Variants in SMAD3 observed in about 807,000 individuals in gnomAD.
The protein encoded by SMAD3 is MAD homolog 3.
A neutral mutation model predicts 51.8 loss-of-function variants in SMAD3; 12 were observed. The ratio of observed to expected loss-of-function variants is 0.23; its 90% CI spans 0.15 to 0.38. The LOEUF is 0.38. SMAD3 is among the 10% of genes least tolerant of loss of function. The pLI is 1.00. For synonymous variants in SMAD3, 238 were observed against 227.7 expected (o/e 1.05, Z -0.41); for missense variants, 294 against 565.6 (o/e 0.52, Z 4.87).
intron 1 of SMAD3, among the ~76,000 whole-genome samples, chr15:67,157,828 C>T (rs991400484): frequency 6.6e-6 from 1 of 152,148 alleles, no homozygotes; most frequent in Admixed American, 6.5e-5. Flanking sequence ...TTTACGGGTC[C>T]CGCTTGAAGC....
At chr15:67,173,652 G>A (rs1010525699) in intron 5 of SMAD3, among the ~76,000 whole-genome samples, 22 of 152,124 alleles carry the variant, frequency 1.4e-4, no homozygotes, top group Non-Finnish European at 2.9e-4. Flanking sequence ...TGATTGGGGA[G>A]GTTTTCTGAT....
intron 1 of SMAD3, among the ~76,000 whole-genome samples, chr15:67,164,693 C>T (rs982624295): frequency 1.3e-5 from 2 of 152,210 alleles, no homozygotes; most frequent in African/African-American, 4.8e-5. Flanking sequence ...AGCTGGGAGT[C>T]CTCACGGGGC....
chr15:67,118,004 A>T (rs1183304708), intron 1 of SMAD3, among the ~76,000 whole-genome samples: 1 of 152,246 alleles, frequency 6.6e-6, no homozygotes, highest in African/African-American at 2.4e-5. Flanking sequence ...AGACAGGAGA[A>T]TTGCTTGAAC....
Position 67,194,191 on chromosome 15 carries a change from A to G in SMAD3, c.*3655A>G, listed in dbSNP as rs1232587453. On this transcript the variant is annotated 3_prime_UTR_variant, in exon 9 of 9. Transcript: ENST00000327367. Reference sequence around the variant, plus strand: ...TTTTACCAGAACCAAACCTCAACACAGCGAAGCTGTACTGTCTTTGTGTGG... The same window carrying G: ...TTTTACCAGAACCAAACCTCAACACGGCGAAGCTGTACTGTCTTTGTGTGG... 4.3e-6 allele frequency: 1 copy of G among 233,394 alleles called. No individual in the cohort carries two copies. The highest frequency in any genetic ancestry group is 2.2e-5 in the African/African-American group (1 of 45,374). The allele number at this position is 233,394 out of a possible 1,614,324, so 14.5% of individuals were successfully genotyped here.
intron 1 of SMAD3, among the ~76,000 whole-genome samples, chr15:67,121,038 T>TCATA (rs1302223992): frequency 6.6e-6 from 1 of 151,536 alleles, no homozygotes; most frequent in Non-Finnish European, 1.5e-5. Flanking sequence ...ATGTTGGGAC[T>TCATA]TTGTCTTGCA....
intron 1 of SMAD3, among the ~76,000 whole-genome samples, chr15:67,117,164 GAAAGAGTAAT>G (rs1485760208): frequency 4.6e-5 from 7 of 152,198 alleles, no homozygotes; most frequent in Non-Finnish European, 1.0e-4. Flanking sequence ...GGAGTAGCTA[GAAAGAGTAAT>G]AATCCTTTTT....
At chr15:67,090,154 C>G (rs1960479932) in intron 1 of SMAD3, among the ~76,000 whole-genome samples, 1 of 152,182 alleles carries the variant, frequency 6.6e-6, no homozygotes, top group African/African-American at 2.4e-5. Flanking sequence ...CGGGGTTCAC[C>G]TTACTCAGGG....
chr15:67,162,167 G>T (rs1962449131), intron 1 of SMAD3, among the ~76,000 whole-genome samples: 1 of 152,116 alleles, frequency 6.6e-6, no homozygotes, highest in South Asian at 2.1e-4. Flanking sequence ...GGATCCCTCT[G>T]TTTCTCTCTT....
intron 1 of SMAD3, among the ~76,000 whole-genome samples, chr15:67,134,727 C>T (rs1180918649): frequency 6.6e-6 from 1 of 152,284 alleles, no homozygotes; most frequent in South Asian, 2.1e-4. Context: ...AGTCCAGGAT[C>T]GAGAAGAACT....
intron 8 of SMAD3, 80 bp downstream of exon 8, chr15:67,187,589 G>C: frequency 7.1e-6 from 11 of 1,544,102 alleles, no homozygotes; most frequent in Non-Finnish European, 9.9e-6. Flanking sequence ...GCTCCTCAGA[G>C]ATGAGCTAGG....
chr15:67,087,337 A>G (rs561727894), intron 1 of SMAD3, among the ~76,000 whole-genome samples: 5 of 152,244 alleles, frequency 3.3e-5, no homozygotes, highest in East Asian at 1.9e-4. Flanking sequence ...TTTGTCTGCA[A>G]GTGGGGGGGT....
At chr15:67,142,849 A>G (rs1373925364) in intron 1 of SMAD3, 5 of 454,946 alleles carry the variant, frequency 1.1e-5, no homozygotes, top group Non-Finnish European at 2.2e-5. Flanking sequence ...CACCCCATGT[A>G]GAGCTGGAAC....
rs2140330327 is a variant in SMAD3 at position 67,191,911 on chromosome 15, G to T, written c.*1375G>T. 1 of 228,358 alleles carries T rather than the reference G, an allele frequency of 4.4e-6. No homozygotes were observed. The highest frequency in any genetic ancestry group is 6.3e-5 in the East Asian group (1 of 15,902). 14.1% of individuals were successfully genotyped at this position (228,358 alleles called of 1,614,324 possible). ...TACTGCTCCCAGCAGCAATTAGGGA[G>T]AAAACTAGTCTAAATTATTTCAACT... On this transcript the variant is annotated 3_prime_UTR_variant, in exon 9 of 9. Transcript: ENST00000327367.
At chr15:67,168,762 C>G (rs1324735421) in intron 4 of SMAD3, among the ~76,000 whole-genome samples, 1 of 152,138 alleles carries the variant, frequency 6.6e-6, no homozygotes, top group Non-Finnish European at 1.5e-5. Flanking sequence ...GATTTATCTA[C>G]AGTAGAGACA....
chr15:67,181,228 C>T lies in SMAD3; in HGVS notation c.659-13C>T. Reference sequence around the variant, plus strand: ...GACACCCAATGACCCAGTAGCCCACCCTGTGTCCACAGACCTGCAGCCAGT... The same window carrying T: ...GACACCCAATGACCCAGTAGCCCACTCTGTGTCCACAGACCTGCAGCCAGT... On this transcript the variant is annotated splice_polypyrimidine_tract_variant and intron_variant, in intron 5 of 8. Coordinates refer to ENST00000327367, the MANE Select transcript of SMAD3 (RefSeq NM_005902.4). 1 of 1,609,534 alleles carries T rather than the reference C, an allele frequency of 6.2e-7. No homozygotes were observed. The highest frequency in any genetic ancestry group is 8.5e-7 in the Non-Finnish European group (1 of 1,177,826).
chr15:67,085,623 T>A (rs548141401), intron 1 of SMAD3, among the ~76,000 whole-genome samples: 1 of 152,152 alleles, frequency 6.6e-6, no homozygotes, highest in Admixed American at 6.5e-5. Context: ...GGTGTTACCA[T>A]GGAAGGTTCT....
intron 1 of SMAD3, among the ~76,000 whole-genome samples, chr15:67,113,534 C>A (rs973429380): frequency 1.3e-5 from 2 of 152,108 alleles, no homozygotes; most frequent in Admixed American, 6.5e-5. Context: ...AATAAGATGA[C>A]ATAAGAGTTA....
At chr15:67,114,825 T>C (rs910943361) in intron 1 of SMAD3, among the ~76,000 whole-genome samples, 20 of 152,204 alleles carry the variant, frequency 1.3e-4, no homozygotes, top group South Asian at 1.0e-3. Context: ...TCTGCCTCCA[T>C]GTGGGAGAGT....
intron 1 of SMAD3, among the ~76,000 whole-genome samples, chr15:67,148,455 TG>T (rs1349946368): frequency 2.0e-5 from 3 of 152,332 alleles, no homozygotes; most frequent in Admixed American, 2.0e-4. Context: ...TGCAAATCGC[TG>T]TATTTAATGT....
Sources: gnomAD v4.1 joint callset for allele counts (sites outside exome capture counted in the v4.1 genomes callset) on GRCh38, gnomAD v4.1.1 for gene constraint, MANE v1.5 for transcripts, NCBI Gene and HGNC (gene_info 2026-07-23, HGNC 2026-07-21) for gene names.